Variants in TNFRSF11A observed in about 807,000 individuals in gnomAD.
TNFRSF11A encodes the protein tumor necrosis factor receptor superfamily member 11A.
Under a neutral mutation model 55.7 loss-of-function variants are expected in TNFRSF11A, and 32 were observed. The observed-to-expected ratio is 0.57, with a 90% confidence interval of 0.43 to 0.77. TNFRSF11A has a LOEUF of 0.77. Ranked by LOEUF, TNFRSF11A falls within the 30% of genes least tolerant of loss-of-function variation. The pLI is 0.00. For synonymous variants in TNFRSF11A, 311 were observed against 331.0 expected (o/e 0.94, Z 0.65); for missense variants, 753 against 809.8 (o/e 0.93, Z 0.85).
chr18:62,368,529 T>C (rs1181423749), intron 8 of TNFRSF11A, among the ~76,000 whole-genome samples, 172 bp from the exon 9 acceptor site: 1 of 152,204 alleles, frequency 6.6e-6, no homozygotes, highest in Non-Finnish European at 1.5e-5. Flanking sequence ...CATTCTAGAG[T>C]TCTCCTGCAC....
intron 3 of TNFRSF11A, 36 bp downstream of exon 3, chr18:62,349,973 T>C (rs373486773): frequency 6.2e-7 from 1 of 1,612,672 alleles, no homozygotes; most frequent in Non-Finnish European, 8.5e-7. Context: ...GTGGGAAGTG[T>C]AGAAACCTCA....
intron 5 of TNFRSF11A, 92 bp downstream of exon 5, chr18:62,358,433 G>C: frequency 7.9e-7 from 1 of 1,262,674 alleles, no homozygotes; most frequent in East Asian, 2.3e-5. Context: ...GACGGATTCT[G>C]TTGGGTTAGG....
chr18:62,334,383 A>C (rs914707408), intron 1 of TNFRSF11A, among the ~76,000 whole-genome samples: 16 of 151,996 alleles, frequency 1.1e-4, no homozygotes, highest in African/African-American at 3.9e-4. Flanking sequence ...ATACCGTACC[A>C]CTGTGCTGTA....
chr18:62,334,112 C>T (rs1479156897), intron 1 of TNFRSF11A, among the ~76,000 whole-genome samples: 1 of 152,068 alleles, frequency 6.6e-6, no homozygotes, highest in Admixed American at 6.5e-5. Context: ...GTGATCTGCC[C>T]GCCTCGGCCT....
chr18:62,326,890 A>G (rs2046083715), intron 1 of TNFRSF11A, among the ~76,000 whole-genome samples: 1 of 152,220 alleles, frequency 6.6e-6, no homozygotes, highest in African/African-American at 2.4e-5. Flanking sequence ...AATTGATATA[A>G]GACAGACTAA....
At chr18:62,337,139 T>C (rs1357408240) in intron 1 of TNFRSF11A, among the ~76,000 whole-genome samples, 1 of 152,234 alleles carries the variant, frequency 6.6e-6, no homozygotes. Context: ...CAGTTACCTA[T>C]ATTTTTAAGT....
chr18:62,388,681 G>A lies in TNFRSF11A; in HGVS notation c.*3647G>A, dbSNP rs1056854844. 6.6e-6 allele frequency: 1 copy of A among 152,224 alleles called. No homozygotes were observed. The highest frequency in any genetic ancestry group is 1.5e-5 in the Non-Finnish European group (1 of 68,050). The allele number at this position is 152,224 out of a possible 1,614,324, so 9.4% of individuals were successfully genotyped here. ...TTCCCACAATGAAAGGGACACCCAC[G>A]TTCATATTTAAGTGCTGTGTCAAAA... On this transcript the variant is annotated 3_prime_UTR_variant, in exon 10 of 10. Transcript: ENST00000586569.
Position 62,354,387 on chromosome 18 carries a change from G to T in TNFRSF11A, c.284-4G>T, listed in dbSNP as rs761709562. The T allele has an allele frequency of 1.3e-6, 2 of 1,572,568 alleles. No homozygotes were observed. Among genetic ancestry groups the T allele is most frequent in the African/African-American group, 1.3e-5 (1 of 74,402 alleles). ...GCCACTGACCTGTCTCTTGTCTCCCGCAGGCAAGGCCCTGGTGGCCGTGGT... is the reference window on the plus strand; with the variant it reads ...GCCACTGACCTGTCTCTTGTCTCCCTCAGGCAAGGCCCTGGTGGCCGTGGT... On this transcript the variant is annotated splice_region_variant and splice_polypyrimidine_tract_variant and intron_variant, in intron 3 of 9. Coordinates refer to ENST00000586569, the MANE Select transcript of TNFRSF11A (RefSeq NM_003839.4).
In TNFRSF11A at chr18:62,385,312, T is replaced by A; in HGVS notation, c.*278T>A. 3.3e-6 allele frequency: 1 copy of A among 303,574 alleles called. No individual in the cohort carries two copies. Among genetic ancestry groups the A allele is most frequent in the Non-Finnish European group, 5.9e-6 (1 of 169,138 alleles). The allele number at this position is 303,574 out of a possible 1,614,324, so 18.8% of individuals were successfully genotyped here. ...CTCGCAGCAGTAATTTGTGGCACTA[T>A]GACAGCTATTTTTATGACTATCCTG... On this transcript the variant is annotated 3_prime_UTR_variant, in exon 10 of 10. Coordinates refer to ENST00000586569, the MANE Select transcript of TNFRSF11A (RefSeq NM_003839.4).
intron 7 of TNFRSF11A, among the ~76,000 whole-genome samples, chr18:62,362,490 C>CAAAAAA (rs57219485): frequency 1.7e-4 from 13 of 75,878 alleles, no homozygotes; most frequent in East Asian, 1.0e-3. Context: ...AACTTCATCT[C>CAAAAAA]AAAAAAAAAA....
At chr18:62,370,157 T>C (rs1910430699) in intron 9 of TNFRSF11A, among the ~76,000 whole-genome samples, 1 of 152,198 alleles carries the variant, frequency 6.6e-6, no homozygotes, top group African/African-American at 2.4e-5. Flanking sequence ...TGCCTGAGCA[T>C]GAACAACCCA....
intron 6 of TNFRSF11A, among the ~76,000 whole-genome samples, chr18:62,360,983 C>T (rs1400488577): frequency 6.6e-6 from 1 of 152,082 alleles, no homozygotes; most frequent in African/African-American, 2.4e-5. Context: ...AACAGGAAGA[C>T]ATTAAAGCAT....
At chr18:62,366,628 A>G in intron 7 of TNFRSF11A, 80 bp from the exon 8 acceptor site, 1 of 1,448,082 alleles carries the variant, frequency 6.9e-7, no homozygotes, top group South Asian at 1.1e-5. Context: ...TACCTTAAAT[A>G]TACATAATAA....
intron 1 of TNFRSF11A, among the ~76,000 whole-genome samples, chr18:62,326,370 G>A (rs2046075959): frequency 6.6e-6 from 1 of 152,198 alleles, no homozygotes; most frequent in Non-Finnish European, 1.5e-5. Context: ...AAATAATGTG[G>A]GTGCACTGAA....
intron 9 of TNFRSF11A, among the ~76,000 whole-genome samples, chr18:62,378,943 C>G (rs1235772748): frequency 2.0e-5 from 3 of 152,242 alleles, no homozygotes; most frequent in Non-Finnish European, 4.4e-5. Context: ...TTCACCTCTG[C>G]TCTTCAGAGA....
intron 4 of TNFRSF11A, among the ~76,000 whole-genome samples, chr18:62,356,725 A>G (rs1048285709): frequency 5.3e-5 from 8 of 152,202 alleles, no homozygotes; most frequent in South Asian, 2.1e-4. Flanking sequence ...GCCATCCCCA[A>G]TGTCCACTTG....
At chr18:62,371,260 G>C (rs1910530561) in intron 9 of TNFRSF11A, among the ~76,000 whole-genome samples, 1 of 152,240 alleles carries the variant, frequency 6.6e-6, no homozygotes, top group Non-Finnish European at 1.5e-5. Context: ...CACACTGTCA[G>C]GGGCAGACCG....
chr18:62,361,331 C>T (rs1909666914), intron 6 of TNFRSF11A, among the ~76,000 whole-genome samples: 1 of 152,136 alleles, frequency 6.6e-6, no homozygotes, highest in African/African-American at 2.4e-5. Flanking sequence ...CTTTTGTCTG[C>T]AGGGGTCATT....
At chr18:62,347,450 A>G (rs1356951286) in intron 1 of TNFRSF11A, among the ~76,000 whole-genome samples, 4 of 152,124 alleles carry the variant, frequency 2.6e-5, no homozygotes, top group African/African-American at 7.2e-5. Flanking sequence ...AGAAATTGGT[A>G]TTTGTCTTAG....
Sources: allele counts gnomAD v4.1 joint callset (sites outside exome capture counted in the v4.1 genomes callset), GRCh38; gene constraint gnomAD v4.1.1; transcripts MANE v1.5; gene names NCBI Gene and HGNC (gene_info 2026-07-23, HGNC 2026-07-21).